Variants in SEM1 observed in about 807,000 individuals in gnomAD.
The protein encoded by SEM1 is SEM1 26S proteasome subunit.
A neutral mutation model predicts 12.7 loss-of-function variants in SEM1; 3 were observed. The observed-to-expected ratio is 0.24, with a 90% CI of 0.11 to 0.61. SEM1 has a LOEUF of 0.61. Ranked by LOEUF, SEM1 falls within the 20% of genes least tolerant of loss-of-function variation. SEM1 has a pLI of 0.88. For missense variants in SEM1, 59 were observed against 81.3 expected (o/e 0.73, Z 1.06); for synonymous variants, 30 against 27.8 (o/e 1.08, Z -0.25).
At chr7:96,604,668 C>T (rs1396168085) in intron 2 of SEM1, among the ~76,000 whole-genome samples, 1 of 151,982 alleles carries the variant, frequency 6.6e-6, no homozygotes, top group Non-Finnish European at 1.5e-5. Context: ...CCTGTAATCC[C>T]AGCACTTTTG....
At chr7:96,635,425 GT>G (rs1451602955) in intron 2 of SEM1, among the ~76,000 whole-genome samples, 2 of 152,148 alleles carry the variant, frequency 1.3e-5, no homozygotes, top group Non-Finnish European at 2.9e-5. Flanking sequence ...AAATGAGCAT[GT>G]TAGGGAGGCA....
chr7:96,645,123 A>G (rs1728024914), intron 2 of SEM1, among the ~76,000 whole-genome samples: 1 of 152,154 alleles, frequency 6.6e-6, no homozygotes, highest in Non-Finnish European at 1.5e-5. Flanking sequence ...AGACTATATG[A>G]GAATTGTCCC....
At chr7:96,545,709 A>T (rs1227443249) in intron 2 of SEM1, among the ~76,000 whole-genome samples, 1 of 152,042 alleles carries the variant, frequency 6.6e-6, no homozygotes, top group African/African-American at 2.4e-5. Context: ...AATTTTCACT[A>T]TTTAATACAC....
intron 2 of SEM1, among the ~76,000 whole-genome samples, chr7:96,605,749 G>A (rs1403370814): frequency 1.3e-5 from 2 of 151,884 alleles, no homozygotes; most frequent in African/African-American, 2.4e-5. Flanking sequence ...CCCATTATCC[G>A]TGCTTTCACT....
At chr7:96,551,017 A>G (rs917152699) in intron 2 of SEM1, among the ~76,000 whole-genome samples, 20 of 152,180 alleles carry the variant, frequency 1.3e-4, no homozygotes, top group African/African-American at 4.6e-4. Flanking sequence ...TCTGAGAAAC[A>G]CTCACCAAGA....
intron 2 of SEM1, among the ~76,000 whole-genome samples, chr7:96,600,062 T>C (rs1233906882): frequency 6.6e-6 from 1 of 152,186 alleles, no homozygotes; most frequent in East Asian, 1.9e-4. Flanking sequence ...CAGAGAGTGC[T>C]TTAAAAATTA....
At chr7:96,502,483 A>G (rs1294475683) in intron 3 of SEM1, among the ~76,000 whole-genome samples, 1 of 152,166 alleles carries the variant, frequency 6.6e-6, no homozygotes, top group Non-Finnish European at 1.5e-5. Flanking sequence ...GACTTACAGC[A>G]TATAAATTTA....
chr7:96,522,726 C>G (rs35106053), intron 2 of SEM1, among the ~76,000 whole-genome samples: 1 of 145,282 alleles, frequency 6.9e-6, no homozygotes, highest in African/African-American at 2.6e-5. Flanking sequence ...AAAAATACCC[C>G]CCCCCCAAAA....
At chr7:96,585,258 G>A (rs1404472492) in intron 2 of SEM1, among the ~76,000 whole-genome samples, 1 of 152,170 alleles carries the variant, frequency 6.6e-6, no homozygotes, top group Admixed American at 6.5e-5. Flanking sequence ...CCTGCTGGGG[G>A]GTGCCTCCCA....
At chr7:96,709,006 G>A (rs978669658) in intron 1 of SEM1, among the ~76,000 whole-genome samples, 6 of 152,054 alleles carry the variant, frequency 3.9e-5, no homozygotes, top group Admixed American at 6.6e-5. Flanking sequence ...GTAGGGACAG[G>A]GTCTCGCTAT....
At chr7:96,514,628 A>C (rs1804034144) in intron 2 of SEM1, among the ~76,000 whole-genome samples, 1 of 152,148 alleles carries the variant, frequency 6.6e-6, no homozygotes, top group Admixed American at 6.6e-5. Flanking sequence ...GAACAAGTAA[A>C]ATTTGAAATT....
intron 3 of SEM1, chr7:96,484,136 A>G: frequency 1.3e-6 from 1 of 786,164 alleles, no homozygotes; most frequent in Non-Finnish European, 1.9e-6. Flanking sequence ...ATAACTGTTA[A>G]GTAAGTTCCC....
At chr7:96,679,371 C>T (rs761953891) in intron 2 of SEM1, among the ~76,000 whole-genome samples, 11 of 151,936 alleles carry the variant, frequency 7.2e-5, no homozygotes, top group South Asian at 2.1e-4. Context: ...AAATACCAAC[C>T]GGGAGTCTTT....
rs1554412360 is a variant in SEM1 at position 96,541,431 on chromosome 7, G to GGTT, written c.171-34734_171-34733insAAC. On this transcript the variant is annotated intron_variant and NMD_transcript_variant, in intron 2 of 3. Coordinates refer to the SEM1 transcript ENST00000466986. Reference sequence around the variant, plus strand: ...CATGTCTTTTCCCACTTTTTAATGGGTTTTTTTTTTTGTTTTTTTTTTTTT... The same window carrying GGTT: ...CATGTCTTTTCCCACTTTTTAATGGGGTTTTTTTTTTTTTGTTTTTTTTTTTTT... Among the ~76,000 whole-genome samples the GGTT allele has an allele frequency of 1.2e-3, 143 of 121,442 alleles. 2 individuals carry two copies. The highest frequency in any genetic ancestry group is 3.0e-3 in the African/African-American group (79 of 26,178). The allele number at this position is 121,442 out of a possible 152,430, so 79.7% of individuals were successfully genotyped here. A position where few individuals can be genotyped will look rare whatever the true frequency, so the allele number is the denominator to read the frequency against.
intron 2 of SEM1, among the ~76,000 whole-genome samples, chr7:96,610,002 G>A (rs1260663786): frequency 1.3e-5 from 2 of 152,022 alleles, no homozygotes; most frequent in African/African-American, 4.8e-5. Context: ...GATCCAGGCT[G>A]GACCAGTTAA....
chr7:96,689,817 C>G (rs1789874163), intron 2 of SEM1, among the ~76,000 whole-genome samples: 1 of 152,106 alleles, frequency 6.6e-6, no homozygotes, highest in Non-Finnish European at 1.5e-5. Flanking sequence ...GTGGTATAAA[C>G]CCTGGATTAG....
intron 2 of SEM1, among the ~76,000 whole-genome samples, chr7:96,648,048 T>G (rs571392443): frequency 3.2e-4 from 48 of 152,286 alleles, no homozygotes; most frequent in African/African-American, 1.1e-3. Context: ...TGGAATAATA[T>G]TCACACAACA....
intron 2 of SEM1, among the ~76,000 whole-genome samples, chr7:96,570,685 A>G (rs1805994573): frequency 6.6e-6 from 1 of 152,214 alleles, no homozygotes; most frequent in African/African-American, 2.4e-5. Flanking sequence ...TCTTTATAGT[A>G]GAATGATTTA....
rs73224518 is a variant in SEM1, at chr7:96,558,695, G to A, written c.171-51997C>T. 4.0e-3 allele frequency among the ~76,000 whole-genome samples: 603 copies of A among 152,272 alleles called. 2 individuals are homozygous for A. Among genetic ancestry groups the A allele is most frequent in the Non-Finnish European group, 6.2e-3 (421 of 68,024 alleles). On this transcript the variant is annotated intron_variant and NMD_transcript_variant, in intron 2 of 3. Transcript: ENST00000466986. ...ACATGAAAGAGGCAAGAAGGTCTTC[G>A]TAAACTGCTCATTTGTTTATTTTGT... is the stretch of plus-strand genomic sequence containing the variant.
Sources: allele counts gnomAD v4.1 joint callset (sites outside exome capture counted in the v4.1 genomes callset), GRCh38; gene constraint gnomAD v4.1.1; transcripts MANE v1.5; gene names NCBI Gene and HGNC (gene_info 2026-07-23, HGNC 2026-07-21).